REL: variants seen among roughly 807,000 people sequenced by gnomAD.
REL encodes the protein proto-oncogene c-Rel.
REL carries 15 observed loss-of-function variants against 45.9 expected under a neutral mutation model. The observed-to-expected ratio is 0.33, with a 90% CI of 0.22 to 0.50. The LOEUF (loss-of-function observed/expected upper bound fraction) is 0.50, where lower values mean the gene tolerates loss of function less well. REL is among the 20% of genes least tolerant of loss of function. The pLI is 0.98. For synonymous variants in REL, 239 were observed against 242.1 expected (o/e 0.99, Z 0.12); for missense variants, 601 against 715.2 (o/e 0.84, Z 1.82).
chr2:60,918,115 C>G (rs2103980981), intron 5 of REL, 76 bp from the exon 6 acceptor site: 1 of 850,490 alleles, frequency 1.2e-6, no homozygotes, highest in Non-Finnish European at 1.9e-6. Flanking sequence ...TGCTTTTCCT[C>G]AAATTCTTCC....
chr2:60,920,497 G>C lies in REL; in HGVS notation c.923-77G>C, dbSNP rs552424664. The C allele has an allele frequency of 4.3e-6, 5 of 1,151,794 alleles. No homozygotes were observed. The South Asian group carries it at 5.0e-5, about 12-fold the overall frequency. The allele number at this position is 1,151,794 out of a possible 1,614,324, so 71.3% of individuals were successfully genotyped here. A position where few individuals can be genotyped will look rare whatever the true frequency, so the allele number is the denominator to read the frequency against. On this transcript the variant is annotated intron_variant, in intron 8 of 9. Transcript: ENST00000394479. ...ATTACAGGTGGGAGCCACCACGCCC[G>C]GCCAGTTTTTCAGATTTTAACTGAT...
intron 4 of REL, among the ~76,000 whole-genome samples, chr2:60,912,680 A>G (rs553793284): frequency 5.3e-5 from 8 of 152,220 alleles, no homozygotes; most frequent in African/African-American, 1.9e-4. Context: ...AAAAGACAAA[A>G]CTGTTCAATA....
At chr2:60,917,046 G>C (rs1673987336) in intron 5 of REL, 29 bp downstream of exon 5, 1 of 1,566,600 alleles carries the variant, frequency 6.4e-7, no homozygotes, top group Non-Finnish European at 8.7e-7. Context: ...TATATTTGTA[G>C]TCTTAACTTG....
chr2:60,921,807 A>G lies in REL; in HGVS notation c.1036A>G (p.Thr346Ala), dbSNP rs771133721. 2.5e-6 allele frequency: 4 copies of G among 1,613,988 alleles called. No individual in the cohort carries two copies. The South Asian group carries it at 3.3e-5, about 13-fold the overall frequency. ...TGATGCAGTTGTGAGAGAAATGCCT[A>G]CAGGGGTTTCAAGTCAAGCAGAATC... ...SHDAVVREMP[T>A]GVSSQAESYY... Residue 346 changes from threonine (T) to alanine (A), a missense_variant, in exon 10 of 10, where the codon ACA becomes GCA. Around this residue, in one of 4 missense-constraint regions of REL, gnomAD observed 334 missense variants for 333.1 expected, o/e 1.00. Transcript: ENST00000394479.
chr2:60,897,438 G>T (rs1349299994), intron 3 of REL, among the ~76,000 whole-genome samples: 1 of 151,698 alleles, frequency 6.6e-6, no homozygotes, highest in Non-Finnish European at 1.5e-5. Flanking sequence ...CTCCCAAGTA[G>T]CTGGAATTAC....
At chr2:60,906,949 C>T (rs1051146925) in intron 4 of REL, among the ~76,000 whole-genome samples, 9 of 128,470 alleles carry the variant, frequency 7.0e-5, no homozygotes, top group Non-Finnish European at 1.1e-4. Context: ...GACAGAGTTT[C>T]GCTCTTGTTG....
chr2:60,916,423 G>A (rs981827969), intron 4 of REL, among the ~76,000 whole-genome samples: 7 of 152,080 alleles, frequency 4.6e-5, no homozygotes, highest in Non-Finnish European at 5.9e-5. Context: ...TCAAAAAAAC[G>A]AACTAAACTC....
intron 2 of REL, among the ~76,000 whole-genome samples, chr2:60,893,622 A>G (rs1040659106): frequency 6.6e-6 from 1 of 152,200 alleles, no homozygotes; most frequent in Admixed American, 6.5e-5. Flanking sequence ...TACAGAAAGA[A>G]ATGTAATACT....
At chr2:60,916,692 TTAGA>T (rs1271731365) in intron 4 of REL, among the ~76,000 whole-genome samples, 181 bp from the exon 5 acceptor site, 1 of 152,204 alleles carries the variant, frequency 6.6e-6, no homozygotes, top group South Asian at 2.1e-4. Flanking sequence ...TCAAATACTG[TTAGA>T]TAGTGATTAC....
intron 4 of REL, among the ~76,000 whole-genome samples, chr2:60,914,420 A>C (rs1673902301): frequency 6.6e-6 from 1 of 152,220 alleles, no homozygotes; most frequent in African/African-American, 2.4e-5. Context: ...TTTTTTGAGA[A>C]GTAAGTAGAA....
chr2:60,911,517 C>T (rs955139327), intron 4 of REL: 1 of 152,074 alleles, frequency 6.6e-6, no homozygotes, highest in African/African-American at 2.4e-5. Context: ...ATTTCCATAT[C>T]TCAGCAGCAA....
intron 4 of REL, among the ~76,000 whole-genome samples, chr2:60,904,889 C>T (rs1022094147): frequency 6.6e-6 from 1 of 152,038 alleles, no homozygotes; most frequent in Admixed American, 6.6e-5. Flanking sequence ...GACCCCGTCT[C>T]TAAGTAAAGA....
intron 3 of REL, among the ~76,000 whole-genome samples, chr2:60,898,586 G>A (rs1673418494): frequency 6.6e-6 from 1 of 152,164 alleles, no homozygotes; most frequent in Admixed American, 6.5e-5. Flanking sequence ...ATTATTTAAT[G>A]TATATCCACT....
In REL at chr2:60,925,870, G is replaced by C. The variant is rs1293568223; in HGVS notation, c.*3335G>C. ...TAAGGTTCTGCTACATCTGTGTTTA[G>C]AATATTTTTTTAAAACTAAATAAGT... On this transcript the variant is annotated 3_prime_UTR_variant, in exon 10 of 10. Transcript: ENST00000394479. 3.2e-5 allele frequency: 7 copies of C among 222,118 alleles called. No individual in the cohort carries two copies. Among genetic ancestry groups the C allele is most frequent in the African/African-American group, 1.6e-4 (7 of 44,662 alleles). 13.8% of individuals were successfully genotyped at this position (222,118 alleles called of 1,614,324 possible). A position where few individuals can be genotyped will look rare whatever the true frequency, so the allele number is the denominator to read the frequency against.
intron 4 of REL, among the ~76,000 whole-genome samples, chr2:60,914,407 A>AT (rs955111276): frequency 4.6e-5 from 7 of 152,038 alleles, no homozygotes; most frequent in Non-Finnish European, 8.8e-5. Context: ...ATAAACAGTG[A>AT]TTTTTTTTGA....
intron 1 of REL, among the ~76,000 whole-genome samples, chr2:60,890,449 A>G (rs1673180595): frequency 6.6e-6 from 1 of 152,142 alleles, no homozygotes; most frequent in Non-Finnish European, 1.5e-5. Context: ...TACTGTTCTG[A>G]TAAGGCCCAC....
chr2:60,891,855 A>G, intron 2 of REL, 30 bp downstream of exon 2: 1 of 1,568,316 alleles, frequency 6.4e-7, no homozygotes, highest in South Asian at 1.2e-5. Context: ...TGTCTATCTC[A>G]CTATTAGTTG....
In REL at chr2:60,912,252, G is replaced by A. The variant is rs184901165; in HGVS notation, c.395-4625G>A. ...TCCAATCACCTGTGACCCTGAACTG[G>A]AATAATTGGGTAAATCATTATCTTA... On this transcript the variant is annotated intron_variant, in intron 4 of 9. Coordinates refer to ENST00000394479, the MANE Select transcript of REL (RefSeq NM_001291746.2). Among the ~76,000 whole-genome samples the A allele has an allele frequency of 7.0e-4, 106 of 152,054 alleles. 4 individuals are homozygous for A. The highest frequency in any genetic ancestry group is 6.1e-3 in the Admixed American group (93 of 15,278).
In REL at chr2:60,924,775, CATTTGGCTGGTTTCAAA is replaced by C. The variant is rs1193771286; in HGVS notation, c.*2241_*2257del. The C allele has an allele frequency of 1.4e-5, 3 of 207,128 alleles. No homozygotes were observed. Among genetic ancestry groups the C allele is most frequent in the Admixed American group, 5.9e-5 (1 of 16,880 alleles). 12.8% of individuals were successfully genotyped at this position (207,128 alleles called of 1,614,324 possible). On this transcript the variant is annotated 3_prime_UTR_variant, in exon 10 of 10. Transcript: ENST00000394479. ...TTTTAAAAGAGACTTGTCACATATT[CATTTGGCTGGTTTCAAA>C]TGGTGAGCTGAATGCTGGGTAATCT...
Sources: gnomAD v4.1 joint callset for allele counts (sites outside exome capture counted in the v4.1 genomes callset) on GRCh38, gnomAD v4.1.1 for gene constraint, gnomAD v4.1.1 regional missense constraint, MANE v1.5 for transcripts, NCBI Gene and HGNC (gene_info 2026-07-23, HGNC 2026-07-21) for gene names.